WASF2: variants seen among roughly 807,000 people sequenced by gnomAD.
WASF2 encodes WASP family member 2.
A neutral mutation model predicts 45.0 loss-of-function variants in WASF2; 14 were observed. The ratio of observed to expected loss-of-function variants is 0.31; its 90% CI spans 0.21 to 0.49. The LOEUF is 0.49. Among genes scored for constraint, WASF2 ranks in the 20% least tolerant of loss-of-function variants. The pLI is 0.99. For missense variants in WASF2, 439 were observed against 636.1 expected (o/e 0.69, Z 3.33); for synonymous variants, 200 against 236.3 (o/e 0.85, Z 1.41).
intron 5 of WASF2, among the ~76,000 whole-genome samples, chr1:27,415,360 TAAACAAAACA>T (rs923115520): frequency 2.7e-4 from 41 of 152,252 alleles, no homozygotes; most frequent in African/African-American, 9.6e-4. Context: ...GGAAATAGTT[TAAACAAAACA>T]AAACAAAACA....
At chr1:27,489,503 G>C (rs796204432) in intron 1 of WASF2, among the ~76,000 whole-genome samples, 1 of 149,708 alleles carries the variant, frequency 6.7e-6, no homozygotes, top group Non-Finnish European at 1.5e-5. Flanking sequence ...CAATTTAGCA[G>C]GCCGGGGCCT....
At chr1:27,438,050 C>T (rs1187714434) in intron 1 of WASF2, among the ~76,000 whole-genome samples, 1 of 152,132 alleles carries the variant, frequency 6.6e-6, no homozygotes, top group African/African-American at 2.4e-5. Context: ...GAGTGCTCTC[C>T]AGTTGATGGT....
chr1:27,411,173 G>C (rs1378865445), intron 7 of WASF2, among the ~76,000 whole-genome samples: 1 of 152,210 alleles, frequency 6.6e-6, no homozygotes, highest in Non-Finnish European at 1.5e-5. Flanking sequence ...CTCCATCCGA[G>C]GGGTCCTCAA....
intron 1 of WASF2, among the ~76,000 whole-genome samples, chr1:27,488,816 T>C (rs1469229175): frequency 6.6e-6 from 1 of 152,308 alleles, no homozygotes; most frequent in East Asian, 1.9e-4. Flanking sequence ...GCCCAGTGAT[T>C]CTCAGAGGAA....
chr1:27,409,232 G>A (rs1367814645), intron 8 of WASF2, among the ~76,000 whole-genome samples: 1 of 151,690 alleles, frequency 6.6e-6, no homozygotes, highest in Admixed American at 6.6e-5. Context: ...AGACCATCCT[G>A]GCTAACAAAG....
chr1:27,424,658 G>A (rs1371361851), intron 2 of WASF2, among the ~76,000 whole-genome samples: 2 of 151,946 alleles, frequency 1.3e-5, no homozygotes, highest in African/African-American at 2.4e-5. Flanking sequence ...ATAGCTGCAA[G>A]TACAGGCACA....
intron 1 of WASF2, among the ~76,000 whole-genome samples, chr1:27,443,307 TAAAAAAAAAAAAAAA>T (rs77018071): frequency 3.8e-5 from 2 of 53,328 alleles, no homozygotes; most frequent in Non-Finnish European, 7.6e-5. Context: ...CACCGTCTCT[TAAAAAAAAAAAAAAA>T]AAAAAAAAAG....
Position 27,416,119 on chromosome 1 carries a change from G to T in WASF2, c.420-17C>A, listed in dbSNP as rs372031439. ...CCATCGTCCCTGGGATAGAAATGAA[G>T]ACAAGTAGCTGTCAGTAGACAGATG... On this transcript the variant is annotated splice_polypyrimidine_tract_variant and intron_variant, in intron 4 of 8. Transcript: ENST00000618852. 1 of 1,606,310 alleles carries T rather than the reference G, an allele frequency of 6.2e-7. No individual in the cohort carries two copies.
At chr1:27,440,445 C>T (rs1005029034) in intron 1 of WASF2, among the ~76,000 whole-genome samples, 1 of 151,932 alleles carries the variant, frequency 6.6e-6, no homozygotes, top group East Asian at 1.9e-4. Flanking sequence ...TCACTTTAGC[C>T]CAGGAGGTCG....
chr1:27,482,090 T>C (rs1215948714), intron 1 of WASF2, among the ~76,000 whole-genome samples: 1 of 152,248 alleles, frequency 6.6e-6, no homozygotes, highest in Non-Finnish European at 1.5e-5. Context: ...TTCATAACTA[T>C]ACATTTGAAT....
chr1:27,477,617 C>T (rs562683031), intron 1 of WASF2, among the ~76,000 whole-genome samples: 1 of 148,062 alleles, frequency 6.8e-6, no homozygotes, highest in Non-Finnish European at 1.5e-5. Context: ...ATAAATAAAT[C>T]GGCCGGGCGC....
chr1:27,433,597 A>G (rs988146623), intron 1 of WASF2, among the ~76,000 whole-genome samples: 6 of 152,210 alleles, frequency 3.9e-5, no homozygotes, highest in African/African-American at 1.4e-4. Flanking sequence ...GGCTGGAAGT[A>G]AGAAGACCAA....
chr1:27,432,962 T>G (rs1453743107), intron 1 of WASF2, among the ~76,000 whole-genome samples: 1 of 152,178 alleles, frequency 6.6e-6, no homozygotes, highest in Non-Finnish European at 1.5e-5. Flanking sequence ...GGGGCCTTGC[T>G]ATGCTGTCCA....
At chr1:27,458,308 TAAAAAA>T (rs71010355) in intron 1 of WASF2, among the ~76,000 whole-genome samples, 1 of 29,406 alleles carries the variant, frequency 3.4e-5, no homozygotes, top group Non-Finnish European at 6.2e-5. Context: ...GCGAGATTCT[TAAAAAA>T]AAAAAAAAAA....
chr1:27,472,047 T>C (rs1177535166), intron 1 of WASF2, among the ~76,000 whole-genome samples: 4 of 152,080 alleles, frequency 2.6e-5, no homozygotes, highest in African/African-American at 9.7e-5. Context: ...AAAATGGAAA[T>C]CAGGGCCAGG....
chr1:27,451,961 A>G (rs2017389350), intron 1 of WASF2, among the ~76,000 whole-genome samples: 2 of 152,212 alleles, frequency 1.3e-5, no homozygotes, highest in Admixed American at 6.5e-5. Context: ...AATATTAGTA[A>G]AAGTTAAGTG....
intron 1 of WASF2, among the ~76,000 whole-genome samples, chr1:27,436,023 G>A (rs2017132331): frequency 1.3e-5 from 2 of 152,350 alleles, no homozygotes; most frequent in Admixed American, 1.3e-4. Context: ...TGTTGCATGT[G>A]TGGCAATTAG....
chr1:27,487,342 A>G (rs1467763646), intron 1 of WASF2, among the ~76,000 whole-genome samples: 1 of 140,846 alleles, frequency 7.1e-6, no homozygotes, highest in African/African-American at 2.6e-5. Flanking sequence ...CTCGTGATCC[A>G]CCCGCCTCGG....
intron 1 of WASF2, among the ~76,000 whole-genome samples, chr1:27,439,639 G>A (rs2017181684): frequency 2.0e-5 from 3 of 152,170 alleles, no homozygotes; most frequent in Admixed American, 2.0e-4. Context: ...GTTCAATTAT[G>A]ACAATAGAAA....
Sources: allele counts gnomAD v4.1 joint callset (sites outside exome capture counted in the v4.1 genomes callset), GRCh38; gene constraint gnomAD v4.1.1; transcripts MANE v1.5; gene names NCBI Gene and HGNC (gene_info 2026-07-23, HGNC 2026-07-21).